SNX29: variants seen among roughly 807,000 people sequenced by gnomAD.
SNX29 encodes the protein sorting nexin 29.
SNX29 carries 78 observed loss-of-function variants against 102.1 expected under a neutral mutation model. The ratio of observed to expected loss-of-function variants is 0.76; its 90% CI spans 0.64 to 0.92. The LOEUF is 0.92. Among genes scored for constraint, SNX29 ranks in the 40% least tolerant of loss-of-function variants. SNX29 has a pLI of 0.00. For missense variants in SNX29, 1,280 were observed against 1,061.7 expected (o/e 1.21, Z -2.86); for synonymous variants, 580 against 414.5 (o/e 1.40, Z -4.85).
chr16:12,316,656 C>T (rs538922414), intron 15 of SNX29, among the ~76,000 whole-genome samples: 54 of 152,328 alleles, frequency 3.5e-4, no homozygotes, highest in Admixed American at 3.5e-3. Context: ...TTATGCTCCC[C>T]CTGCCCCGTT....
chr16:12,204,641 G>C (rs2077000622), intron 14 of SNX29, among the ~76,000 whole-genome samples: 1 of 152,254 alleles, frequency 6.6e-6, no homozygotes, highest in South Asian at 2.1e-4. Flanking sequence ...GCAAGGGCAG[G>C]AGACTGAGTG....
chr16:12,194,257 T>C (rs1198165982), intron 13 of SNX29, among the ~76,000 whole-genome samples: 2 of 152,244 alleles, frequency 1.3e-5, no homozygotes, highest in Non-Finnish European at 1.5e-5. Context: ...TATAAATGAT[T>C]CTTTTTAAAA....
chr16:12,016,607 C>T (rs1270938675), intron 3 of SNX29, among the ~76,000 whole-genome samples: 1 of 152,088 alleles, frequency 6.6e-6, no homozygotes, highest in African/African-American at 2.4e-5. Flanking sequence ...TGTATTTTAG[C>T]CATTCTGATA....
intron 3 of SNX29, among the ~76,000 whole-genome samples, chr16:12,019,508 A>G (rs2056952353): frequency 6.6e-6 from 1 of 151,868 alleles, no homozygotes. Context: ...CCTGGCAACT[A>G]TGACCAGTAA....
rs1441015226 is a variant in SNX29 at position 12,199,701 on chromosome 16, C to A, written c.1678+18C>A. 4 of 1,608,030 alleles carry A rather than the reference C, an allele frequency of 2.5e-6. No individual in the cohort carries two copies. Among genetic ancestry groups the A allele is most frequent in the Non-Finnish European group, 3.4e-6 (4 of 1,176,976 alleles). On this transcript the variant is annotated intron_variant, in intron 14 of 20. Transcript: ENST00000566228. ...AGCTGAAGGTGAGGGGGAGCCTGAGCCCGGGTTGGGAGGGGCCGGGCTTTT... is the reference window on the plus strand; with the variant it reads ...AGCTGAAGGTGAGGGGGAGCCTGAGACCGGGTTGGGAGGGGCCGGGCTTTT...
chr16:12,539,926 G>A (rs764481246), intron 20 of SNX29, among the ~76,000 whole-genome samples: 2 of 152,170 alleles, frequency 1.3e-5, no homozygotes, highest in Non-Finnish European at 2.9e-5. Context: ...GGAGTTCTTT[G>A]TATATGTTAG....
chr16:12,342,745 A>C (rs2081646841), intron 15 of SNX29, among the ~76,000 whole-genome samples: 1 of 152,222 alleles, frequency 6.6e-6, no homozygotes, highest in Non-Finnish European at 1.5e-5. Flanking sequence ...AAGGTCACCC[A>C]GCAAGTTACT....
chr16:12,567,073 G>GCA (rs1363229427), intron 20 of SNX29, among the ~76,000 whole-genome samples: 8 of 152,250 alleles, frequency 5.3e-5, no homozygotes, highest in Non-Finnish European at 1.2e-4. Flanking sequence ...AGGGAACCCT[G>GCA]CAGGGATCCT....
chr16:12,143,142 C>T (rs543813431), intron 13 of SNX29, among the ~76,000 whole-genome samples: 1 of 152,148 alleles, frequency 6.6e-6, no homozygotes, highest in Non-Finnish European at 1.5e-5. Context: ...GGATTACAGG[C>T]ATGCGCCACC....
intron 19 of SNX29, 108 bp from the exon 20 acceptor site, chr16:12,524,594 A>G: frequency 7.8e-7 from 1 of 1,281,844 alleles, no homozygotes; most frequent in Non-Finnish European, 1.0e-6. Flanking sequence ...TTGCTCAATC[A>G]GTGTTGGTTG....
chr16:12,030,392 C>G (rs551792731), intron 4 of SNX29, among the ~76,000 whole-genome samples: 9 of 152,174 alleles, frequency 5.9e-5, no homozygotes, highest in Non-Finnish European at 8.8e-5. Context: ...CATATGTGTT[C>G]CTGTGTTTCT....
intron 18 of SNX29, among the ~76,000 whole-genome samples, chr16:12,463,689 T>C (rs993850748): frequency 6.6e-6 from 1 of 152,198 alleles, no homozygotes; most frequent in African/African-American, 2.4e-5. Flanking sequence ...AAATTGTTTT[T>C]AAATTTTTAA....
At chr16:12,491,264 G>C (rs922176858) in intron 19 of SNX29, among the ~76,000 whole-genome samples, 1 of 152,098 alleles carries the variant, frequency 6.6e-6, no homozygotes, top group Non-Finnish European at 1.5e-5. Flanking sequence ...TTTGAGACTC[G>C]GTTTCTCTAG....
At chr16:12,100,487 GGTAAA>G (rs2052966471) in intron 11 of SNX29, among the ~76,000 whole-genome samples, 1 of 152,058 alleles carries the variant, frequency 6.6e-6, no homozygotes, top group African/African-American at 2.4e-5. Context: ...TGTCCTCTAC[GGTAAA>G]GTAAAGATGG....
Position 12,331,620 on chromosome 16 carries a change from T to G in SNX29, c.1783-24543T>G, listed in dbSNP as rs932085884. On this transcript the variant is annotated intron_variant, in intron 15 of 20. Coordinates refer to ENST00000566228, the MANE Select transcript of SNX29 (RefSeq NM_032167.5). ...GGCTGGAGTGCAGTGGCAGCGATCT[T>G]GGCTCACTGCAGCCTCTGCCTCCTG... 1.2e-4 allele frequency among the ~76,000 whole-genome samples: 19 copies of G among 152,222 alleles called. 1 individual carries two copies. The Middle Eastern group carries it at 0.01, about 82-fold the overall frequency.
intron 18 of SNX29, among the ~76,000 whole-genome samples, chr16:12,405,708 G>A (rs1237781447): frequency 1.3e-5 from 2 of 152,156 alleles, no homozygotes; most frequent in Admixed American, 1.3e-4. Flanking sequence ...TTAAAATACT[G>A]GTACTGTTGA....
rs376950505 is a variant in SNX29 at position 12,537,367 on chromosome 16, G to A, written c.2318+12526G>A. ...TACAGGAGCTCATTGGCAACTTGGT[G>A]CATGACAGAAAGAGCAAGACTTTGA... On this transcript the variant is annotated intron_variant, in intron 20 of 20. Transcript: ENST00000566228. Among the ~76,000 whole-genome samples, 11 of 152,328 alleles carry A rather than the reference G, an allele frequency of 7.2e-5. No homozygotes were observed. The South Asian group carries it at 1.9e-3, about 26-fold the overall frequency.
At chr16:12,021,396 A>G (rs2057015849) in intron 3 of SNX29, among the ~76,000 whole-genome samples, 1 of 151,720 alleles carries the variant, frequency 6.6e-6, no homozygotes, top group South Asian at 2.1e-4. Flanking sequence ...ACTGCACTCC[A>G]TTTTGGGCAA....
At chr16:12,036,937 T>A (rs2057493109) in intron 4 of SNX29, among the ~76,000 whole-genome samples, 1 of 151,988 alleles carries the variant, frequency 6.6e-6, no homozygotes, top group African/African-American at 2.4e-5. Context: ...CATCTTGGAG[T>A]TGAGCTGGAT....
Sources: gnomAD v4.1 joint callset for allele counts (sites outside exome capture counted in the v4.1 genomes callset) on GRCh38, gnomAD v4.1.1 for gene constraint, MANE v1.5 for transcripts, NCBI Gene and HGNC (gene_info 2026-07-23, HGNC 2026-07-21) for gene names.